The following UBE2H variants were observed in gnomAD, a reference collection of about 807,000 sequenced individuals.
UBE2H encodes ubiquitin-conjugating enzyme E2 H.
A neutral mutation model predicts 29.0 loss-of-function variants in UBE2H; 3 were observed. The observed-to-expected ratio is 0.10, with a 90% CI of 0.05 to 0.27. The LOEUF (loss-of-function observed/expected upper bound fraction) is 0.27. Among genes scored for constraint, UBE2H ranks in the 10% least tolerant of loss-of-function variants. UBE2H has a pLI of 1.00. For missense variants in UBE2H, 68 were observed against 228.2 expected (o/e 0.30, Z 4.52); for synonymous variants, 69 against 82.9 (o/e 0.83, Z 0.91).
intron 1 of UBE2H, among the ~76,000 whole-genome samples, chr7:129,890,120 T>C (rs866716526): frequency 6.6e-6 from 1 of 152,030 alleles, no homozygotes; most frequent in South Asian, 2.1e-4. Flanking sequence ...GTGACAAACA[T>C]AGACCCTGTA....
chr7:129,927,555 A>G (rs1807296493), intron 1 of UBE2H, among the ~76,000 whole-genome samples: 1 of 152,192 alleles, frequency 6.6e-6, no homozygotes, highest in African/African-American at 2.4e-5. Flanking sequence ...TAAAAACACA[A>G]CAAAAAAATG....
At chr7:129,871,973 A>C (rs918187047) in intron 3 of UBE2H, among the ~76,000 whole-genome samples, 5 of 151,968 alleles carry the variant, frequency 3.3e-5, no homozygotes, top group South Asian at 4.2e-4. Flanking sequence ...CCGTCTCTCG[A>C]GTAGCTGGGA....
intron 1 of UBE2H, among the ~76,000 whole-genome samples, chr7:129,912,215 GA>G (rs1806951437): frequency 6.6e-6 from 1 of 152,134 alleles, no homozygotes; most frequent in African/African-American, 2.4e-5. Flanking sequence ...CAGCAGAGTT[GA>G]ATAGTTGCAA....
chr7:129,857,251 A>G (rs991389838), intron 5 of UBE2H: 2 of 482,620 alleles, frequency 4.1e-6, no homozygotes, highest in African/African-American at 4.0e-5. Flanking sequence ...GTGTGTGCGC[A>G]TGTACTCATG....
At chr7:129,939,372 C>T (rs7805045) in intron 1 of UBE2H, among the ~76,000 whole-genome samples, 2 of 152,044 alleles carry the variant, frequency 1.3e-5, no homozygotes, top group African/African-American at 2.4e-5. Flanking sequence ...TTCCTTCTTT[C>T]GGAATACAAT....
At chr7:129,883,780 T>C (rs1205740233) in intron 1 of UBE2H, among the ~76,000 whole-genome samples, 4 of 152,166 alleles carry the variant, frequency 2.6e-5, no homozygotes, top group African/African-American at 7.2e-5. Context: ...AGGCAGAAGT[T>C]GCAGTGAGCT....
intron 1 of UBE2H, among the ~76,000 whole-genome samples, chr7:129,920,848 C>T (rs1175920258): frequency 1.4e-5 from 1 of 73,980 alleles, no homozygotes; most frequent in Admixed American, 1.5e-4. Flanking sequence ...TAGAAAAAGT[C>T]AAAAAAAAAA....
chr7:129,847,681 TAAG>T (rs1460754257), intron 5 of UBE2H, among the ~76,000 whole-genome samples: 2 of 152,182 alleles, frequency 1.3e-5, no homozygotes, highest in Admixed American at 6.5e-5. Flanking sequence ...GAAAGAAAAA[TAAG>T]AAGTCTATGT....
intron 1 of UBE2H, among the ~76,000 whole-genome samples, chr7:129,941,716 C>T (rs144921446): frequency 1.2e-3 from 170 of 142,670 alleles, no homozygotes; most frequent in African/African-American, 4.0e-3. Flanking sequence ...AGATTACAAG[C>T]ATGAGCCACT....
intron 1 of UBE2H, among the ~76,000 whole-genome samples, chr7:129,891,448 A>G (rs982082583): frequency 2.0e-5 from 3 of 152,170 alleles, no homozygotes; most frequent in Admixed American, 2.0e-4. Context: ...TAAATGAAAT[A>G]CTGTATATCC....
intron 1 of UBE2H, among the ~76,000 whole-genome samples, chr7:129,883,072 A>T (rs916133775): frequency 2.0e-5 from 3 of 152,366 alleles, no homozygotes; most frequent in South Asian, 4.1e-4. Context: ...AAGTATAAAA[A>T]AGTCCAATTC....
intron 1 of UBE2H, among the ~76,000 whole-genome samples, chr7:129,948,157 C>CT (rs755539582): frequency 0.016 from 2,334 of 143,894 alleles, 52 homozygotes; most frequent in African/African-American, 0.052. Flanking sequence ...ACTGTGCCAG[C>CT]TTTTTTTTTT....
At chr7:129,907,481 T>C (rs905526904) in intron 1 of UBE2H, among the ~76,000 whole-genome samples, 1 of 152,184 alleles carries the variant, frequency 6.6e-6, no homozygotes, top group African/African-American at 2.4e-5. Flanking sequence ...ATCAGTTTTA[T>C]TGCAATAAGA....
At chr7:129,844,612 C>G (rs1247707031) in intron 5 of UBE2H, among the ~76,000 whole-genome samples, 3 of 152,098 alleles carry the variant, frequency 2.0e-5, no homozygotes, top group Non-Finnish European at 4.4e-5. Flanking sequence ...CTGTAGAGTA[C>G]AGTCAGCCGA....
intron 1 of UBE2H, among the ~76,000 whole-genome samples, chr7:129,926,189 TTGCTC>T (rs1288265051): frequency 6.6e-6 from 1 of 152,180 alleles, no homozygotes; most frequent in Non-Finnish European, 1.5e-5. Context: ...ATAAAGGGTC[TTGCTC>T]TGTTGCCCAG....
chr7:129,926,291 C>T lies in UBE2H; in HGVS notation c.53+26212G>A, dbSNP rs761887519. On this transcript the variant is annotated intron_variant, in intron 1 of 6. Transcript: ENST00000355621. The stretch of plus-strand genomic sequence containing the variant: ...TTGGGAGGCTGAGGTGGGTGGATCA[C>T]CTGAGGTCAGGAGTTCGAGACCAGC... Among the ~76,000 whole-genome samples, 111 of 151,866 alleles carry T rather than the reference C, an allele frequency of 7.3e-4. 1 individual carries two copies. Among genetic ancestry groups the T allele is most frequent in the Non-Finnish European group, 4.3e-4 (29 of 67,956 alleles).
chr7:129,948,963 TC>T, intron 1 of UBE2H: 1 of 456,812 alleles, frequency 2.2e-6, no homozygotes, highest in Non-Finnish European at 4.4e-6. Context: ...ACATACTCCA[TC>T]AGCTGTTTGG....
intron 1 of UBE2H, among the ~76,000 whole-genome samples, chr7:129,938,706 C>CAA (rs566095922): frequency 6.4e-5 from 8 of 124,774 alleles, no homozygotes; most frequent in Middle Eastern, 3.9e-3. Flanking sequence ...AACTTCGTCT[C>CAA]AAAAAAAAAA....
intron 1 of UBE2H, among the ~76,000 whole-genome samples, chr7:129,896,150 T>TGTGGC (rs2116410161): frequency 6.6e-6 from 1 of 151,382 alleles, no homozygotes; most frequent in South Asian, 2.1e-4. Flanking sequence ...CAGCCTCCAA[T>TGTGGC]GTGGCGAAAC....
Sources: gnomAD v4.1 joint callset for allele counts (sites outside exome capture counted in the v4.1 genomes callset) on GRCh38, gnomAD v4.1.1 for gene constraint, MANE v1.5 for transcripts, NCBI Gene and HGNC (gene_info 2026-07-23, HGNC 2026-07-21) for gene names.